The following TBC1D5 variants were observed in gnomAD, a reference collection of about 807,000 sequenced individuals.
TBC1D5 encodes the protein TBC1 domain family member 5, also known as TBC1 domain family, member 5.
Under a neutral mutation model 100.3 loss-of-function variants are expected in TBC1D5, and 75 were observed. The observed-to-expected ratio is 0.75, with a 90% CI of 0.62 to 0.91. The LOEUF (loss-of-function observed/expected upper bound fraction) is 0.91, where lower values mean the gene tolerates loss of function less well. Among genes scored for constraint, TBC1D5 ranks in the 40% least tolerant of loss-of-function variants. TBC1D5 has a pLI of 0.00. For synonymous variants in TBC1D5, 323 were observed against 325.6 expected, an observed-to-expected ratio of 0.99 and a Z score of 0.09; for missense variants, 910 against 942.4, an observed-to-expected ratio of 0.97 and a Z score of 0.45.
At chr3:17,503,344 A>G (rs1349425426) in intron 3 of TBC1D5, among the ~76,000 whole-genome samples, 1 of 149,468 alleles carries the variant, frequency 6.7e-6, no homozygotes, top group African/African-American at 2.5e-5. Context: ...TGGATTCTCT[A>G]CCAATATACT....
intron 13 of TBC1D5, among the ~76,000 whole-genome samples, chr3:17,345,377 C>T (rs1265740053): frequency 1.3e-5 from 2 of 152,140 alleles, no homozygotes; most frequent in Non-Finnish European, 2.9e-5. Context: ...GAGATACCAT[C>T]TCACACCAGT....
chr3:17,467,903 A>G (rs1044302199), intron 3 of TBC1D5, among the ~76,000 whole-genome samples: 4 of 151,932 alleles, frequency 2.6e-5, no homozygotes, highest in African/African-American at 9.7e-5. Flanking sequence ...TACCATGACA[A>G]CTCCCCTTCC....
chr3:17,403,711 T>G (rs2152431008), intron 7 of TBC1D5, among the ~76,000 whole-genome samples: 1 of 152,290 alleles, frequency 6.6e-6, no homozygotes, highest in Admixed American at 6.5e-5. Context: ...TATGCCATTT[T>G]ATATAAGAAA....
intron 17 of TBC1D5, among the ~76,000 whole-genome samples, chr3:17,219,935 C>T (rs187025957): frequency 4.3e-4 from 66 of 152,210 alleles, no homozygotes; most frequent in Non-Finnish European, 1.3e-4. Context: ...TGCCATGCTA[C>T]TCCAAAAGTG....
intron 8 of TBC1D5, among the ~76,000 whole-genome samples, chr3:17,385,701 T>C (rs2093125602): frequency 6.6e-6 from 1 of 152,054 alleles, no homozygotes; most frequent in Admixed American, 6.6e-5. Context: ...TGTTTTTTTT[T>C]TCCTACCTTT....
rs2092036535 is a variant in TBC1D5 at position 17,365,315 on chromosome 3, A to C, written c.995+6760T>G. Among the ~76,000 whole-genome samples the C allele has an allele frequency of 3.3e-5, 5 of 152,194 alleles. No individual in the cohort carries two copies. The South Asian group carries it at 1.0e-3, about 32-fold the overall frequency. On this transcript the variant is annotated intron_variant, in intron 13 of 21. Coordinates refer to ENST00000253692, the Ensembl canonical transcript of TBC1D5. ...GATGGTACCCTTCCTAAGCTAGTGC[A>C]TGCGTAACTCAGCACTTTTCCTTCT...
At chr3:17,569,805 T>C (rs1242508802) in intron 2 of TBC1D5, among the ~76,000 whole-genome samples, 2 of 151,456 alleles carry the variant, frequency 1.3e-5, no homozygotes, top group African/African-American at 4.8e-5. Flanking sequence ...ATGTTATAAA[T>C]GTTTATTTAG....
rs182743218 is a variant in TBC1D5, at chr3:17,186,295, G to A, written c.1753-1087C>T. The stretch of plus-strand genomic sequence containing the variant: ...GTGCATGGAAATTAATAGTTGAAAA[G>A]GTTACTTGTAGATGTATCCCATTTT... On this transcript the variant is annotated intron_variant, in intron 18 of 21. Coordinates refer to ENST00000253692, the Ensembl canonical transcript of TBC1D5. Among the ~76,000 whole-genome samples, 43 of 152,220 alleles carry A rather than the reference G, an allele frequency of 2.8e-4. No individual in the cohort carries two copies. In the Middle Eastern group the frequency reaches 0.014, roughly 48 times the overall value.
chr3:17,579,407 T>A (rs2096678389), intron 2 of TBC1D5, among the ~76,000 whole-genome samples: 1 of 152,114 alleles, frequency 6.6e-6, no homozygotes, highest in South Asian at 2.1e-4. Flanking sequence ...CCTTCCAATT[T>A]GTCAATCTTC....
chr3:17,529,791 C>A (rs73155225), intron 2 of TBC1D5, among the ~76,000 whole-genome samples: 1 of 151,856 alleles, frequency 6.6e-6, no homozygotes, highest in African/African-American at 2.4e-5. Flanking sequence ...GGATTTGAGG[C>A]GTGTGCCATG....
chr3:17,680,681 T>C (rs918232403), intron 1 of TBC1D5, among the ~76,000 whole-genome samples: 8 of 151,414 alleles, frequency 5.3e-5, no homozygotes, highest in Non-Finnish European at 1.0e-4. Context: ...TGGTTTTTAC[T>C]GTTTCTATGA....
rs556066131 is a variant in TBC1D5 at position 17,573,830 on chromosome 3, T to C, written c.-36+50019A>G. ...AGGTACACTGTTTCCCATGCATTAA[T>C]CTATCACATAATTCATCACACTAGA... On this transcript the variant is annotated intron_variant, in intron 2 of 21. Transcript: ENST00000253692. 2.0e-5 allele frequency among the ~76,000 whole-genome samples: 3 copies of C among 152,164 alleles called. No individual in the cohort carries two copies. The East Asian group carries it at 5.8e-4, about 29-fold the overall frequency.
chr3:17,458,623 T>A (rs778066963), intron 3 of TBC1D5, among the ~76,000 whole-genome samples: 5 of 152,188 alleles, frequency 3.3e-5, no homozygotes, highest in Non-Finnish European at 4.4e-5. Flanking sequence ...ACTTGTAGGA[T>A]GCCTCTCCCT....
chr3:17,647,045 T>C (rs1318274040), intron 1 of TBC1D5: 5 of 152,170 alleles, frequency 3.3e-5, no homozygotes, highest in Admixed American at 3.3e-4. Flanking sequence ...TTACATGTTC[T>C]GGACTCCAAA....
At chr3:17,511,344 A>G (rs138708667) in intron 2 of TBC1D5, among the ~76,000 whole-genome samples, 38 of 152,100 alleles carry the variant, frequency 2.5e-4, no homozygotes, top group African/African-American at 8.2e-4. Context: ...TAGATTCCTT[A>G]AATTTTCTTT....
At chr3:17,167,689 G>A (rs1354014374) in intron 20 of TBC1D5, 60 bp downstream of exon 21, 1 of 1,487,722 alleles carries the variant, frequency 6.7e-7, no homozygotes, top group Non-Finnish European at 9.4e-7. Context: ...TCCATGCCCT[G>A]GGGGGCCCTC....
chr3:17,513,142 G>A (rs2095934792), intron 2 of TBC1D5, among the ~76,000 whole-genome samples: 1 of 152,020 alleles, frequency 6.6e-6, no homozygotes. Context: ...GACCACCCCG[G>A]CCAATATGGT....
chr3:17,241,871 A>G (rs1214244144), intron 16 of TBC1D5, among the ~76,000 whole-genome samples: 1 of 152,236 alleles, frequency 6.6e-6, no homozygotes, highest in Non-Finnish European at 1.5e-5. Flanking sequence ...GTTTAAAAAA[A>G]ACCCAAAAAA....
intron 13 of TBC1D5, chr3:17,333,232 A>C (rs1229348841): frequency 6.6e-6 from 1 of 152,370 alleles, no homozygotes; most frequent in Non-Finnish European, 1.5e-5. Flanking sequence ...AATTACCACT[A>C]ATCTTGTAAA....
Sources: gnomAD v4.1 joint callset for allele counts (sites outside exome capture counted in the v4.1 genomes callset) on GRCh38, gnomAD v4.1.1 for gene constraint, MANE v1.5 for transcripts, NCBI Gene and HGNC (gene_info 2026-07-23, HGNC 2026-07-21) for gene names.